Variants in MAP3K1 observed in about 807,000 individuals in gnomAD.
MAP3K1 encodes the protein mitogen-activated protein kinase kinase kinase 1.
In MAP3K1, 36 loss-of-function variants were observed where a neutral mutation model predicts 144.2. That is an observed-to-expected ratio of 0.25 (90% CI 0.19 to 0.33). The LOEUF (loss-of-function observed/expected upper bound fraction) is 0.33, where lower values mean the gene tolerates loss of function less well. Among genes scored for constraint, MAP3K1 ranks in the 10% least tolerant of loss-of-function variants. The probability of loss-of-function intolerance (pLI) is 1.00; values close to 1 mark genes in which losing one functional copy is unlikely to be tolerated. For synonymous variants in MAP3K1, 718 were observed against 688.7 expected, an observed-to-expected ratio of 1.04 and a Z score of -0.67; for missense variants, 1,650 against 1,881.9, an observed-to-expected ratio of 0.88 and a Z score of 2.28.
intron 13 of MAP3K1, 59 bp downstream of exon 13, chr5:56,881,331 C>A: frequency 7.2e-7 from 1 of 1,393,750 alleles, no homozygotes; most frequent in Non-Finnish European, 1.0e-6. Context: ...ACACCCTCCT[C>A]AAGAATGACA....
At chr5:56,830,530 A>G (rs942005939) in intron 1 of MAP3K1, among the ~76,000 whole-genome samples, 2 of 152,178 alleles carry the variant, frequency 1.3e-5, no homozygotes, top group Non-Finnish European at 2.9e-5. Flanking sequence ...AGCCTCTTAC[A>G]CTGGGTTCTG....
chr5:56,859,545 CTT>C (rs1747440069), intron 2 of MAP3K1, 168 bp from the exon 3 acceptor site: 1 of 600,178 alleles, frequency 1.7e-6, no homozygotes, highest in Non-Finnish European at 2.9e-6. Flanking sequence ...TAAAAATAAT[CTT>C]TTACATTAAT....
At chr5:56,861,589 A>AGGG (rs1479095828) in intron 3 of MAP3K1, among the ~76,000 whole-genome samples, 1 of 47,720 alleles carries the variant, frequency 2.1e-5, no homozygotes, top group South Asian at 7.6e-4. Context: ...AAAAAAAAAA[A>AGGG]AGGGGCTATT....
At chr5:56,866,640 A>C (rs917695662) in intron 6 of MAP3K1, among the ~76,000 whole-genome samples, 13 of 152,264 alleles carry the variant, frequency 8.5e-5, no homozygotes, top group Non-Finnish European at 1.8e-4. Context: ...TTATTCCCGA[A>C]GTGCCCAGTT....
chr5:56,816,174 C>A, intron 1 of MAP3K1, 119 bp downstream of exon 1: 1 of 1,045,350 alleles, frequency 9.6e-7, no homozygotes, highest in Non-Finnish European at 1.2e-6. Flanking sequence ...ACGCGCCGCT[C>A]GCCGGGACCT....
chr5:56,892,979 A>AAAAT (rs1748592889), intron 19 of MAP3K1, among the ~76,000 whole-genome samples: 1 of 151,884 alleles, frequency 6.6e-6, no homozygotes, highest in Non-Finnish European at 1.5e-5. Flanking sequence ...TTTTTTTTAA[A>AAAAT]AAAAAAGTAT....
intron 1 of MAP3K1, among the ~76,000 whole-genome samples, chr5:56,855,093 C>G (rs530083818): frequency 3.9e-5 from 6 of 152,080 alleles, no homozygotes; most frequent in Admixed American, 3.9e-4. Context: ...ACCCCTACCT[C>G]TCTTTCTCTG....
chr5:56,883,736 T>C, intron 15 of MAP3K1, 57 bp downstream of exon 15: 2 of 1,571,174 alleles, frequency 1.3e-6, no homozygotes, highest in Non-Finnish European at 8.8e-7. Context: ...TGAAGCATGT[T>C]CAGTAAAAAG....
chr5:56,845,947 C>CT (rs1746980582), intron 1 of MAP3K1, among the ~76,000 whole-genome samples: 2 of 152,138 alleles, frequency 1.3e-5, no homozygotes, highest in African/African-American at 4.8e-5. Context: ...TGAGTTTCTC[C>CT]CCGCAGGGAG....
intron 1 of MAP3K1, among the ~76,000 whole-genome samples, chr5:56,834,150 C>A (rs528507321): frequency 1.7e-4 from 26 of 151,932 alleles, no homozygotes; most frequent in South Asian, 1.2e-3. Context: ...TAGTAGTTTG[C>A]TGGCCCATAA....
intron 1 of MAP3K1, among the ~76,000 whole-genome samples, chr5:56,818,689 A>G (rs1385890165): frequency 1.3e-5 from 2 of 152,154 alleles, no homozygotes; most frequent in African/African-American, 4.8e-5. Flanking sequence ...GAAAAATTAC[A>G]GTGTTACTCT....
intron 1 of MAP3K1, among the ~76,000 whole-genome samples, chr5:56,844,082 T>C (rs73135039): frequency 0.04 from 6,047 of 152,146 alleles, 421 homozygotes; most frequent in African/African-American, 0.14. Context: ...AGAGGCTCTG[T>C]GCTGTCCTGT....
chr5:56,835,416 T>TGACAGGAAGGCAGGGAAGAGGA (rs1297204184), intron 1 of MAP3K1, among the ~76,000 whole-genome samples: 14 of 110,500 alleles, frequency 1.3e-4, no homozygotes, highest in East Asian at 7.4e-4. Flanking sequence ...AGGGAAGAGT[T>TGACAGGAAGGCAGGGAAGAGGA]GACAGGAAGG....
chr5:56,826,552 C>G (rs1044756276), intron 1 of MAP3K1, among the ~76,000 whole-genome samples: 5 of 152,334 alleles, frequency 3.3e-5, no homozygotes, highest in Middle Eastern at 6.8e-3. Context: ...GAGACCTTCA[C>G]AGGTCAGACA....
At chr5:56,834,913 A>G (rs1746601250) in intron 1 of MAP3K1, among the ~76,000 whole-genome samples, 1 of 152,182 alleles carries the variant, frequency 6.6e-6, no homozygotes, top group South Asian at 2.1e-4. Flanking sequence ...AGATATTATT[A>G]TAATAAGTCT....
chr5:56,860,853 CA>C (rs1033540557), intron 3 of MAP3K1, among the ~76,000 whole-genome samples: 13 of 140,300 alleles, frequency 9.3e-5, no homozygotes, highest in Admixed American at 3.6e-4. Context: ...AACTCCATCT[CA>C]AAAAAAAAAG....
intron 19 of MAP3K1, among the ~76,000 whole-genome samples, chr5:56,893,247 C>G (rs998663993): frequency 2.6e-5 from 4 of 152,058 alleles, no homozygotes; most frequent in Admixed American, 6.6e-5. Flanking sequence ...CTTTATCTAC[C>G]TGAACATTTT....
intron 1 of MAP3K1, chr5:56,820,563 G>A (rs1246653381): frequency 1.0e-6 from 1 of 985,162 alleles, no homozygotes; most frequent in African/African-American, 1.7e-5. Context: ...GCCAAAGAGG[G>A]TTAGTCATTA....
intron 1 of MAP3K1, among the ~76,000 whole-genome samples, chr5:56,819,485 G>A (rs1423725281): frequency 1.3e-5 from 2 of 152,154 alleles, no homozygotes; most frequent in Non-Finnish European, 2.9e-5. Context: ...CGGCTAATCA[G>A]TCCTTGACAC....
Sources: gnomAD v4.1 joint callset for allele counts (sites outside exome capture counted in the v4.1 genomes callset) on GRCh38, gnomAD v4.1.1 for gene constraint, MANE v1.5 for transcripts, NCBI Gene and HGNC (gene_info 2026-07-23, HGNC 2026-07-21) for gene names.